The following CNBD1 variants were observed in gnomAD, a reference collection of about 807,000 sequenced individuals.
CNBD1 encodes cyclic nucleotide binding domain containing 1, also known as cyclic nucleotide-binding domain-containing protein 1.
CNBD1 carries 71 observed loss-of-function variants against 54.4 expected under a neutral mutation model. That is an observed-to-expected ratio of 1.30 (90% CI 1.08 to 1.59). CNBD1 has a LOEUF of 1.59. CNBD1 is among the 40% of genes most tolerant of loss of function. The pLI is 0.00. For synonymous variants in CNBD1, 182 were observed against 170.7 expected (o/e 1.07, Z -0.51); for missense variants, 659 against 518.0 (o/e 1.27, Z -2.64).
At chr8:87,020,481 G>C (rs1809462664) in intron 4 of CNBD1, among the ~76,000 whole-genome samples, 1 of 152,084 alleles carries the variant, frequency 6.6e-6, no homozygotes, top group African/African-American at 2.4e-5. Flanking sequence ...GCATTCTGTG[G>C]AAAGCTTTTT....
chr8:86,903,739 A>G (rs1376717052), intron 2 of CNBD1, among the ~76,000 whole-genome samples: 1 of 152,112 alleles, frequency 6.6e-6, no homozygotes, highest in Non-Finnish European at 1.5e-5. Context: ...GTCAGGTTAT[A>G]TAAATGTGCA....
chr8:87,329,442 C>T (rs1809767806), intron 8 of CNBD1, among the ~76,000 whole-genome samples: 1 of 152,008 alleles, frequency 6.6e-6, no homozygotes, highest in Non-Finnish European at 1.5e-5. Context: ...TGCAAGGTAG[C>T]TTATGGGAAT....
intron 6 of CNBD1, among the ~76,000 whole-genome samples, chr8:87,280,625 G>C (rs1808582770): frequency 6.6e-6 from 1 of 151,250 alleles, no homozygotes; most frequent in African/African-American, 2.4e-5. Flanking sequence ...AAAAGCAATG[G>C]AAAAAATAAG....
At chr8:87,188,820 CTT>C (rs33963727) in intron 4 of CNBD1, among the ~76,000 whole-genome samples, 13,361 of 128,550 alleles carry the variant, frequency 0.1, 679 homozygotes, top group Middle Eastern at 0.16. Flanking sequence ...AGTAAAGCGT[CTT>C]TTTTTTTTTT....
chr8:87,352,605 A>T (rs181245502), intron 9 of CNBD1, among the ~76,000 whole-genome samples: 1 of 152,338 alleles, frequency 6.6e-6, no homozygotes, highest in Non-Finnish European at 1.5e-5. Flanking sequence ...GCCACATAGC[A>T]GTAAAAATAA....
chr8:87,249,262 C>A (rs1051374880), intron 6 of CNBD1, among the ~76,000 whole-genome samples: 5 of 152,094 alleles, frequency 3.3e-5, no homozygotes, highest in Admixed American at 6.6e-5. Context: ...CTATAAGAAT[C>A]TAGTGACACT....
At chr8:87,277,906 G>A (rs764099581) in intron 6 of CNBD1, among the ~76,000 whole-genome samples, 52 of 151,352 alleles carry the variant, frequency 3.4e-4, no homozygotes, top group Non-Finnish European at 5.8e-4. Flanking sequence ...CAAACACACA[G>A]GTAATTTAGA....
chr8:86,892,422 G>C (rs1808783135), intron 2 of CNBD1, among the ~76,000 whole-genome samples: 1 of 151,988 alleles, frequency 6.6e-6, no homozygotes, highest in Non-Finnish European at 1.5e-5. Flanking sequence ...TTGTAGAACA[G>C]GAAGTCAACT....
chr8:87,291,692 C>T (rs1331876523), intron 8 of CNBD1, among the ~76,000 whole-genome samples: 1 of 152,022 alleles, frequency 6.6e-6, no homozygotes, highest in Non-Finnish European at 1.5e-5. Flanking sequence ...TTATATTATC[C>T]AGGCTGGACT....
intron 6 of CNBD1, among the ~76,000 whole-genome samples, chr8:87,246,003 T>C (rs1270671619): frequency 1.3e-5 from 2 of 152,114 alleles, no homozygotes; most frequent in East Asian, 1.9e-4. Context: ...CTCATATCCA[T>C]TGGTTTATTT....
At chr8:86,986,944 A>G (rs921905875) in intron 4 of CNBD1, among the ~76,000 whole-genome samples, 2 of 152,134 alleles carry the variant, frequency 1.3e-5, no homozygotes, top group Admixed American at 1.3e-4. Flanking sequence ...GGGTAGTAGG[A>G]TACCTCCAGC....
intron 4 of CNBD1, among the ~76,000 whole-genome samples, chr8:87,028,819 C>T (rs528304187): frequency 3.3e-5 from 5 of 152,280 alleles, no homozygotes; most frequent in African/African-American, 1.2e-4. Context: ...GCTTTAAGAC[C>T]AGCAGGGTCA....
intron 3 of CNBD1, among the ~76,000 whole-genome samples, chr8:86,938,884 ATATCT>A (rs1809598830): frequency 6.6e-6 from 1 of 152,142 alleles, no homozygotes; most frequent in South Asian, 2.1e-4. Flanking sequence ...ATGATTCCAC[ATATCT>A]TATATTTAAT....
intron 4 of CNBD1, among the ~76,000 whole-genome samples, chr8:87,204,676 C>T (rs1312533662): frequency 3.3e-5 from 5 of 152,080 alleles, no homozygotes; most frequent in Non-Finnish European, 7.4e-5. Context: ...ACTTGATCTG[C>T]CTTACAAATG....
In CNBD1 at chr8:87,050,171, G is replaced by A. The variant is rs543628723; in HGVS notation, c.431+110417G>A. ...AAGGGTGAGCAATTTCACCATACCT[G>A]GGTATCCACAATCTGCAAAGGCCTG... On this transcript the variant is annotated intron_variant, in intron 4 of 10. Coordinates refer to ENST00000518476, the MANE Select transcript of CNBD1 (RefSeq NM_173538.3). 9.2e-5 allele frequency among the ~76,000 whole-genome samples: 14 copies of A among 152,240 alleles called. No homozygotes were observed. In the East Asian group the frequency reaches 2.5e-3, roughly 27 times the overall value.
intron 6 of CNBD1, among the ~76,000 whole-genome samples, chr8:87,255,206 C>T (rs1807986926): frequency 6.6e-6 from 1 of 151,956 alleles, no homozygotes; most frequent in Non-Finnish European, 1.5e-5. Context: ...TCGACAGAGA[C>T]AACTTGTGGA....
At chr8:87,209,914 G>A (rs1185836431) in intron 5 of CNBD1, among the ~76,000 whole-genome samples, 1 of 152,176 alleles carries the variant, frequency 6.6e-6, no homozygotes, top group Non-Finnish European at 1.5e-5. Flanking sequence ...CGTGTTCAGG[G>A]AGAAACCAGG....
At chr8:87,092,209 C>G (rs1811219415) in intron 4 of CNBD1, among the ~76,000 whole-genome samples, 1 of 152,004 alleles carries the variant, frequency 6.6e-6, no homozygotes, top group South Asian at 2.1e-4. Flanking sequence ...TTATCTATTT[C>G]CAGTAATAGG....
chr8:87,311,117 A>G (rs1809254500), intron 8 of CNBD1, among the ~76,000 whole-genome samples: 2 of 152,130 alleles, frequency 1.3e-5, no homozygotes, highest in Non-Finnish European at 2.9e-5. Flanking sequence ...AAATTAAACT[A>G]AAAAGCTTCT....
Sources: gnomAD v4.1 joint callset for allele counts (sites outside exome capture counted in the v4.1 genomes callset) on GRCh38, gnomAD v4.1.1 for gene constraint, MANE v1.5 for transcripts, NCBI Gene and HGNC (gene_info 2026-07-23, HGNC 2026-07-21) for gene names.